DPP6: variants seen among roughly 807,000 people sequenced by gnomAD.
DPP6 encodes the protein dipeptidyl peptidase like 6, also known as A-type potassium channel modulatory protein DPP6.
DPP6 carries 69 observed loss-of-function variants against 122.6 expected under a neutral mutation model. The ratio of observed to expected loss-of-function variants is 0.56; its 90% CI spans 0.46 to 0.69. DPP6 has a LOEUF of 0.69. DPP6 is among the 30% of genes least tolerant of loss of function. The pLI is 0.00. For synonymous variants in DPP6, 418 were observed against 433.1 expected (o/e 0.97, Z 0.43); for missense variants, 928 against 1,116.9 (o/e 0.83, Z 2.41).
the DPP6 span, among the ~76,000 whole-genome samples, chr7:153,795,215 G>C: frequency 6.6e-6 from 1 of 152,204 alleles, no homozygotes; most frequent in African/African-American, 2.4e-5. Context: ...AGGAGATCGA[G>C]ACCATCCTGG....
chr7:154,450,153 T>A (rs978798440), intron 2 of DPP6, among the ~76,000 whole-genome samples: 7 of 152,192 alleles, frequency 4.6e-5, no homozygotes, highest in Non-Finnish European at 8.8e-5. Flanking sequence ...AACTTCACAC[T>A]AAGTGAAGGA....
intron 5 of DPP6, among the ~76,000 whole-genome samples, chr7:154,610,542 T>C (rs1301464773): frequency 6.6e-6 from 1 of 152,216 alleles, no homozygotes; most frequent in Non-Finnish European, 1.5e-5. Context: ...CTTATGTAGC[T>C]AAAAGTCTCT....
chr7:153,871,427 C>T, the DPP6 span, among the ~76,000 whole-genome samples: 3 of 152,192 alleles, frequency 2.0e-5, no homozygotes, highest in Admixed American at 1.3e-4. Flanking sequence ...AGCGAGGCTC[C>T]GTGGGCATAG....
At chr7:154,699,085 C>G (rs1296491469) in intron 7 of DPP6, among the ~76,000 whole-genome samples, 5 of 152,134 alleles carry the variant, frequency 3.3e-5, no homozygotes, top group Non-Finnish European at 7.4e-5. Context: ...CAGACACTGT[C>G]TGAGAAGGGA....
chr7:154,456,569 C>CT (rs61051466), intron 2 of DPP6, among the ~76,000 whole-genome samples: 87,668 of 151,624 alleles, frequency 0.58, 26,047 homozygotes, highest in East Asian at 0.78. Context: ...AATGCGCCCC[C>CT]CCCACCAAAA....
chr7:153,795,243 C>T, the DPP6 span, among the ~76,000 whole-genome samples: 10 of 152,188 alleles, frequency 6.6e-5, no homozygotes, highest in Non-Finnish European at 1.2e-4. Flanking sequence ...GGTGCAACCC[C>T]GTCTCTACTA....
In DPP6 at chr7:154,882,665, C is replaced by G. The variant is rs545196456; in HGVS notation, c.2133+1723C>G. The stretch of plus-strand genomic sequence containing the variant: ...TGTGCGTTATGTTCTGCAGTTTCCC[C>G]CCCGACACCGAAAATCCCCCCTGCA... On this transcript the variant is annotated intron_variant, in intron 21 of 25. Coordinates refer to ENST00000377770, the MANE Select transcript of DPP6 (RefSeq NM_130797.4). Among the ~76,000 whole-genome samples the G allele has an allele frequency of 1.8e-4, 27 of 149,740 alleles. No individual in the cohort carries two copies. The South Asian group carries it at 6.0e-3, about 33-fold the overall frequency.
chr7:154,422,451 C>A (rs182056362), intron 1 of DPP6, among the ~76,000 whole-genome samples: 5 of 152,172 alleles, frequency 3.3e-5, no homozygotes. Context: ...ATATTTTGGT[C>A]TGAGATGTAT....
At chr7:153,966,554 C>CTTTTTTTT (rs753840054) in intron 1 of DPP6, among the ~76,000 whole-genome samples, 4 of 41,356 alleles carry the variant, frequency 9.7e-5, no homozygotes, top group Non-Finnish European at 1.1e-4. Flanking sequence ...CCTGTGTTGG[C>CTTTTTTTT]TTTTTTTTTT....
At chr7:154,627,247 G>A (rs1835143638) in intron 5 of DPP6, among the ~76,000 whole-genome samples, 2 of 145,262 alleles carry the variant, frequency 1.4e-5, no homozygotes, top group South Asian at 4.4e-4. Flanking sequence ...CCAAGCTGGA[G>A]TGCAGTGGCG....
chr7:154,546,249 G>A (rs967182119), intron 4 of DPP6, among the ~76,000 whole-genome samples: 1 of 152,144 alleles, frequency 6.6e-6, no homozygotes, highest in African/African-American at 2.4e-5. Flanking sequence ...AGGCTAGAAA[G>A]TGAACACTGA....
At chr7:153,926,438 G>A (rs975501894) in intron 1 of DPP6, among the ~76,000 whole-genome samples, 5 of 152,170 alleles carry the variant, frequency 3.3e-5, no homozygotes, top group Non-Finnish European at 5.9e-5. Flanking sequence ...GAGGATGTCA[G>A]CCCTCATGCC....
intron 3 of DPP6, among the ~76,000 whole-genome samples, chr7:154,513,221 A>C (rs1283015011): frequency 6.6e-6 from 1 of 152,110 alleles, no homozygotes; most frequent in Non-Finnish European, 1.5e-5. Context: ...ATTCCATCCT[A>C]CCTAATTTTA....
chr7:154,758,514 G>A (rs1563178272), intron 8 of DPP6, among the ~76,000 whole-genome samples: 1 of 151,888 alleles, frequency 6.6e-6, no homozygotes, highest in Non-Finnish European at 1.5e-5. Flanking sequence ...TGGGATTACA[G>A]GCATGCACCG....
At chr7:154,756,307 C>T (rs1012097319) in intron 8 of DPP6, among the ~76,000 whole-genome samples, 1 of 152,168 alleles carries the variant, frequency 6.6e-6, no homozygotes, top group Non-Finnish European at 1.5e-5. Context: ...TCTTCCCTTG[C>T]GGCTTCCTCT....
intron 8 of DPP6, among the ~76,000 whole-genome samples, chr7:154,767,661 C>T (rs994398950): frequency 1.3e-5 from 2 of 152,184 alleles, no homozygotes; most frequent in Non-Finnish European, 2.9e-5. Context: ...CTAGAGGCGG[C>T]TGTTGTGCCC....
At chr7:154,405,470 C>T (rs1816004813) in intron 1 of DPP6, among the ~76,000 whole-genome samples, 1 of 152,162 alleles carries the variant, frequency 6.6e-6, no homozygotes, top group Non-Finnish European at 1.5e-5. Flanking sequence ...TTAGGAGCTG[C>T]TTTCCCCCCC....
intron 5 of DPP6, among the ~76,000 whole-genome samples, chr7:154,586,590 C>A (rs1832465880): frequency 6.6e-6 from 1 of 152,170 alleles, no homozygotes. Context: ...CGGAGCCCAG[C>A]CCCTGATGGC....
At chr7:154,613,977 C>T (rs758762859) in intron 5 of DPP6, among the ~76,000 whole-genome samples, 1 of 152,178 alleles carries the variant, frequency 6.6e-6, no homozygotes, top group East Asian at 1.9e-4. Context: ...TGCTGCTTTC[C>T]GCATTCCGCA....
Sources: gnomAD v4.1 joint callset for allele counts (sites outside exome capture counted in the v4.1 genomes callset) on GRCh38, gnomAD v4.1.1 for gene constraint, MANE v1.5 for transcripts, NCBI Gene and HGNC (gene_info 2026-07-23, HGNC 2026-07-21) for gene names.